Variants in C11orf54 observed in about 807,000 individuals in gnomAD.
C11orf54 encodes the protein beta-keto-L-gulonate decarboxylase.
In C11orf54, 29 loss-of-function variants were observed where a neutral mutation model predicts 35.5. The ratio of observed to expected loss-of-function variants is 0.82; its 90% CI spans 0.61 to 1.11. The LOEUF is 1.11. Among genes scored for constraint, C11orf54 ranks in the 50% most tolerant of loss-of-function variants. The probability of loss-of-function intolerance (pLI) is 0.00; values close to 1 mark genes in which losing one functional copy is unlikely to be tolerated. For synonymous variants in C11orf54, 108 were observed against 121.1 expected, an observed-to-expected ratio of 0.89 and a Z score of 0.71; for missense variants, 373 against 369.2, an observed-to-expected ratio of 1.01 and a Z score of -0.08.
rs1459359398 is a variant in C11orf54, at chr11:93,757,572, C to T, written c.657+107C>T. On this transcript the variant is annotated intron_variant, in intron 7 of 8. Transcript: ENST00000354421. ...TTAAACGGATCCTTGCTCTGTTGCC[C>T]ATGCTGGAGTGTAGTGGCACAATCT... is the stretch of plus-strand genomic sequence containing the variant. 5 of 1,232,226 alleles carry T rather than the reference C, an allele frequency of 4.1e-6. No homozygotes were observed. In the African/African-American group the frequency reaches 7.5e-5, roughly 19 times the overall value. The allele number at this position is 1,232,226 out of a possible 1,614,324, so 76.3% of individuals were successfully genotyped here.
At chr11:93,744,611 T>C (rs917902995) in intron 1 of C11orf54, among the ~76,000 whole-genome samples, 4 of 152,258 alleles carry the variant, frequency 2.6e-5, no homozygotes, top group African/African-American at 9.6e-5. Flanking sequence ...ATTATTTGTA[T>C]GTAATATTTG....
chr11:93,761,265 G>A (rs1337653521), intron 8 of C11orf54, among the ~76,000 whole-genome samples: 1 of 152,154 alleles, frequency 6.6e-6, no homozygotes, highest in African/African-American at 2.4e-5. Context: ...ATAAAAGTAA[G>A]TATTTATGGA....
intron 1 of C11orf54, among the ~76,000 whole-genome samples, chr11:93,743,459 G>C (rs551588902): frequency 2.1e-4 from 32 of 152,292 alleles, no homozygotes; most frequent in African/African-American, 7.7e-4. Context: ...CCTCGCGGGA[G>C]GGGGGGCGCG....
chr11:93,741,805 G>C (rs2135556753), intron 1 of C11orf54, 77 bp downstream of exon 1: 1 of 244,510 alleles, frequency 4.1e-6, no homozygotes, highest in Admixed American at 5.2e-5. Flanking sequence ...GATGAGAACT[G>C]TGAGGAAACA....
At chr11:93,758,117 C>T (rs895596018) in intron 7 of C11orf54, among the ~76,000 whole-genome samples, 1 of 152,202 alleles carries the variant, frequency 6.6e-6, no homozygotes, top group Non-Finnish European at 1.5e-5. Flanking sequence ...CAAAACCAGC[C>T]TGGTCAACAT....
rs35146074 is a variant in C11orf54, at chr11:93,751,820, CTTTTTTTTTTTT to C, written c.154+1388_154+1399del. On this transcript the variant is annotated intron_variant, in intron 3 of 8. Transcript: ENST00000354421. ...CAAGAAAGAAGGAAAAATGGTTAAT[CTTTTTTTTTTTT>C]TTTTTTTTTTTGTGTGTGTGTGTGT... Among the ~76,000 whole-genome samples the C allele has an allele frequency of 1.9e-4, 15 of 80,242 alleles. No individual in the cohort carries two copies. The East Asian group carries it at 1.9e-3, about 10-fold the overall frequency. The allele number at this position is 80,242 out of a possible 152,430, so 52.6% of individuals were successfully genotyped here. A position where few individuals can be genotyped will look rare whatever the true frequency, so the allele number is the denominator to read the frequency against.
intron 7 of C11orf54, 101 bp downstream of exon 7, chr11:93,757,566 G>C: frequency 7.8e-7 from 1 of 1,285,008 alleles, no homozygotes. Flanking sequence ...TCCTTGCTCT[G>C]TTGCCCATGC....
At chr11:93,756,330 A>T (rs113318694) in intron 6 of C11orf54, among the ~76,000 whole-genome samples, 2,622 of 146,200 alleles carry the variant, frequency 0.018, 90 homozygotes, top group African/African-American at 0.063. Flanking sequence ...AAAAAAAAAA[A>T]TTTTTTTTTT....
intron 3 of C11orf54, among the ~76,000 whole-genome samples, chr11:93,753,105 C>G (rs1377850563): frequency 6.6e-6 from 1 of 152,054 alleles, no homozygotes; most frequent in Admixed American, 6.5e-5. Flanking sequence ...GCCCCAGCCT[C>G]CTTGGTAGCT....
At chr11:93,751,820 CTTTTTTTT>C (rs35146074) in intron 3 of C11orf54, among the ~76,000 whole-genome samples, 4 of 80,230 alleles carry the variant, frequency 5.0e-5, no homozygotes, top group Non-Finnish European at 9.4e-5. Flanking sequence ...AATGGTTAAT[CTTTTTTTT>C]TTTTTTTTTT....
At chr11:93,759,986 G>C (rs1943372313) in intron 8 of C11orf54, 128 bp downstream of exon 8, 2 of 593,180 alleles carry the variant, frequency 3.4e-6, no homozygotes, top group Non-Finnish European at 5.6e-6. Context: ...CACTCTTGTT[G>C]CCCAGGCTAG....
At chr11:93,748,087 C>T (rs1009896480) in intron 2 of C11orf54, among the ~76,000 whole-genome samples, 2 of 152,104 alleles carry the variant, frequency 1.3e-5, no homozygotes, top group African/African-American at 4.8e-5. Flanking sequence ...ATAGAACCTT[C>T]GCTTGTTTCT....
chr11:93,761,618 A>G lies in C11orf54; in HGVS notation c.878A>G (p.Tyr293Cys). The G allele has an allele frequency of 1.2e-6, 2 of 1,613,482 alleles. No individual in the cohort carries two copies. Among genetic ancestry groups the G allele is most frequent in the Middle Eastern group, 1.7e-4 (1 of 6,056 alleles). The change falls in exon 9 of 9, where the codon TAC becomes TGC. Residue 293 changes from tyrosine (Y) to cysteine (C), a missense_variant. Transcript: ENST00000354421. Reference protein sequence around the residue: ...TTPDIVEYLGYFLPAEFLYRI... With the variant: ...TTPDIVEYLGCFLPAEFLYRI... ...CCAGATATAGTGGAATATCTTGGAT[A>G]CTTCTTACCTGCAGAGTTTCTCTAT...
intron 6 of C11orf54, among the ~76,000 whole-genome samples, 176 bp from the exon 7 acceptor site, chr11:93,757,140 G>GTA (rs750601398): frequency 6.6e-6 from 1 of 151,274 alleles, no homozygotes; most frequent in African/African-American, 2.4e-5. Flanking sequence ...GTGTGTGTGT[G>GTA]CATACATATA....
rs1943498862 is a variant in C11orf54, at chr11:93,761,903, A to C, written c.*215A>C. On this transcript the variant is annotated 3_prime_UTR_variant, in exon 9 of 9. Coordinates refer to ENST00000354421, the MANE Select transcript of C11orf54 (RefSeq NM_001286069.2). Reference sequence around the variant, plus strand: ...TGGGCAACATAGCAAGACCCTGTCTATTTTTTTAAAAAAGTAAAAAATAGA... The same window carrying C: ...TGGGCAACATAGCAAGACCCTGTCTCTTTTTTTAAAAAAGTAAAAAATAGA... 1 of 330,758 alleles carries C rather than the reference A, an allele frequency of 3.0e-6. No homozygotes were observed. The highest frequency in any genetic ancestry group is 2.1e-5 in the African/African-American group (1 of 47,050). The allele number at this position is 330,758 out of a possible 1,614,324, so 20.5% of individuals were successfully genotyped here.
At chr11:93,750,201 A>G (rs1416162528) in intron 2 of C11orf54, 145 bp from the exon 3 acceptor site, 1 of 593,212 alleles carries the variant, frequency 1.7e-6, no homozygotes, top group African/African-American at 1.9e-5. Context: ...ATGTCTAATT[A>G]TATTCATTAA....
chr11:93,749,472 G>A (rs1942685524), intron 2 of C11orf54, among the ~76,000 whole-genome samples: 1 of 123,856 alleles, frequency 8.1e-6, no homozygotes, highest in Non-Finnish European at 1.6e-5. Flanking sequence ...GGGCGACAGG[G>A]TAGGTAAGGC....
Position 93,747,465 on chromosome 11 carries a change from C to A in C11orf54, c.55+17C>A. 1 of 1,573,986 alleles carries A rather than the reference C, an allele frequency of 6.4e-7. No homozygotes were observed. The highest frequency in any genetic ancestry group is 8.6e-7 in the Non-Finnish European group (1 of 1,163,274). ...TTGCTGGAGGTAAAAACAATATTAA[C>A]TTTGGATTTTTAAAAATTATCCCAA... is the stretch of plus-strand genomic sequence containing the variant. On this transcript the variant is annotated intron_variant, in intron 2 of 8. Coordinates refer to ENST00000354421, the MANE Select transcript of C11orf54 (RefSeq NM_001286069.2).
intron 5 of C11orf54, 143 bp downstream of exon 5, chr11:93,754,180 A>G (rs973205670): frequency 2.9e-6 from 2 of 692,306 alleles, no homozygotes; most frequent in South Asian, 3.7e-5. Flanking sequence ...GATTTCTGCT[A>G]TAGCACACAC....
Sources: gnomAD v4.1 joint callset for allele counts (sites outside exome capture counted in the v4.1 genomes callset) on GRCh38, gnomAD v4.1.1 for gene constraint, MANE v1.5 for transcripts, NCBI Gene and HGNC (gene_info 2026-07-23, HGNC 2026-07-21) for gene names.